The following SLC8A1 variants were observed in gnomAD, a reference collection of about 807,000 sequenced individuals.
SLC8A1 encodes the protein solute carrier family 8 member A1.
A neutral mutation model predicts 68.3 loss-of-function variants in SLC8A1; 18 were observed. That is an observed-to-expected ratio of 0.26 (90% CI 0.18 to 0.39). The LOEUF is 0.39. SLC8A1 is among the 10% of genes least tolerant of loss of function. The pLI is 1.00. For missense variants in SLC8A1, 985 were observed against 1,156.7 expected (o/e 0.85, Z 2.15); for synonymous variants, 475 against 415.5 (o/e 1.14, Z -1.74).
chr2:40,447,731 G>A (rs1362531691), intron 1 of SLC8A1, among the ~76,000 whole-genome samples: 1 of 152,162 alleles, frequency 6.6e-6, no homozygotes, highest in Admixed American at 6.5e-5. Context: ...AATTGTGAAA[G>A]TTTCAGATAC....
chr2:40,227,905 C>T (rs1425986572), intron 2 of SLC8A1, among the ~76,000 whole-genome samples: 1 of 152,070 alleles, frequency 6.6e-6, no homozygotes, highest in African/African-American at 2.4e-5. Context: ...TAATGAGCTA[C>T]TCCCTGTCTT....
intron 2 of SLC8A1, among the ~76,000 whole-genome samples, chr2:40,272,038 T>C (rs1231306706): frequency 1.3e-5 from 2 of 151,842 alleles, no homozygotes; most frequent in Non-Finnish European, 2.9e-5. Flanking sequence ...GGCTATTTTT[T>C]TGGTATTATT....
chr2:40,335,205 CTTTCT>C (rs1394207002), intron 2 of SLC8A1, among the ~76,000 whole-genome samples: 2 of 152,178 alleles, frequency 1.3e-5, no homozygotes, highest in African/African-American at 4.8e-5. Flanking sequence ...CTACAACTGG[CTTTCT>C]TTTCTATCAT....
intron 2 of SLC8A1, among the ~76,000 whole-genome samples, chr2:40,408,478 G>C (rs144430409): frequency 5.5e-4 from 84 of 152,228 alleles, no homozygotes; most frequent in African/African-American, 2.0e-3. Context: ...TAAAACCACA[G>C]GAAATTTTGG....
chr2:40,318,560 C>T (rs1384221272), intron 2 of SLC8A1, among the ~76,000 whole-genome samples: 1 of 152,024 alleles, frequency 6.6e-6, no homozygotes, highest in Non-Finnish European at 1.5e-5. Context: ...CCAGAATCAC[C>T]TGACTTCAAA....
chr2:40,287,582 A>ACG (rs1553475924), intron 2 of SLC8A1, among the ~76,000 whole-genome samples: 1 of 127,480 alleles, frequency 7.8e-6, no homozygotes, highest in Admixed American at 8.0e-5. Flanking sequence ...CAGAGGAATG[A>ACG]TGTGTGTGTG....
intron 2 of SLC8A1, among the ~76,000 whole-genome samples, chr2:40,320,738 T>G (rs1346945454): frequency 6.6e-6 from 1 of 152,166 alleles, no homozygotes; most frequent in Admixed American, 6.5e-5. Context: ...TTTCCTCCAT[T>G]TTCAATATTT....
intron 2 of SLC8A1, among the ~76,000 whole-genome samples, chr2:40,242,905 A>G (rs1188451033): frequency 2.0e-5 from 3 of 152,216 alleles, no homozygotes; most frequent in Non-Finnish European, 4.4e-5. Flanking sequence ...CCATTTTTAT[A>G]AAAGCAAAGT....
intron 2 of SLC8A1, among the ~76,000 whole-genome samples, chr2:40,219,754 AGAATC>A (rs1276485489): frequency 6.6e-6 from 1 of 152,224 alleles, no homozygotes; most frequent in African/African-American, 2.4e-5. Flanking sequence ...GAAATAGAAA[AGAATC>A]AAATCAGTAT....
intron 2 of SLC8A1, among the ~76,000 whole-genome samples, chr2:40,402,151 C>G (rs1464947173): frequency 2.0e-5 from 3 of 152,168 alleles, no homozygotes; most frequent in African/African-American, 7.2e-5. Flanking sequence ...CCCACCAAAA[C>G]CAAGATGGTG....
At chr2:40,234,603 C>A (rs1021188216) in intron 2 of SLC8A1, among the ~76,000 whole-genome samples, 126 of 152,274 alleles carry the variant, frequency 8.3e-4, no homozygotes, top group African/African-American at 2.9e-3. Context: ...CCTTCTCCTG[C>A]CTAATTGCCC....
intron 2 of SLC8A1, among the ~76,000 whole-genome samples, chr2:40,378,440 G>A (rs1249853126): frequency 1.3e-5 from 2 of 152,150 alleles, no homozygotes; most frequent in African/African-American, 4.8e-5. Flanking sequence ...CCAGATGGCT[G>A]AAGTAGAGTA....
chr2:40,296,885 C>G (rs561855891), intron 2 of SLC8A1, among the ~76,000 whole-genome samples: 15 of 152,088 alleles, frequency 9.9e-5, no homozygotes, highest in Non-Finnish European at 5.9e-5. Flanking sequence ...TGCACCTAGC[C>G]AAGGACTGTT....
At chr2:40,306,319 A>G (rs1423218848) in intron 2 of SLC8A1, among the ~76,000 whole-genome samples, 1 of 152,186 alleles carries the variant, frequency 6.6e-6, no homozygotes, top group Non-Finnish European at 1.5e-5. Flanking sequence ...TGGCAAGTTG[A>G]AGATTTTTTG....
exon 2 of SLC8A1, chr2:40,428,891 C>T (rs780624491): frequency 1.2e-6 from 2 of 1,613,810 alleles, no homozygotes; most frequent in Non-Finnish European, 1.7e-6. Flanking sequence ...TTAAACACCA[C>T]AGTTCCTTCA....
At chr2:40,179,722 C>G (rs926560714) in intron 2 of SLC8A1, among the ~76,000 whole-genome samples, 3 of 152,044 alleles carry the variant, frequency 2.0e-5, no homozygotes, top group Non-Finnish European at 4.4e-5. Flanking sequence ...GGCTTATGAT[C>G]TTGTTTTTAT....
chr2:40,197,580 A>C (rs1481483703), intron 2 of SLC8A1, among the ~76,000 whole-genome samples: 1 of 151,874 alleles, frequency 6.6e-6, no homozygotes, highest in Non-Finnish European at 1.5e-5. Flanking sequence ...TCTCTTTCAT[A>C]CCCACTTCTG....
At position 40,405,055 on chromosome 2, in the gene SLC8A1, C is replaced by T. The variant is rs373403524; in HGVS notation, c.1808+23418G>A. ...GGTCCATGCTACTCCCCCTCCCCAG[C>T]CCCATAGGATGTAATTCATTTCAAC... On this transcript the variant is annotated intron_variant, in intron 2 of 7. Transcript: ENST00000406785. Among the ~76,000 whole-genome samples the T allele has an allele frequency of 1.1e-4, 16 of 152,260 alleles. No individual in the cohort carries two copies. The East Asian group carries it at 2.3e-3, about 22-fold the overall frequency.
intron 2 of SLC8A1, among the ~76,000 whole-genome samples, chr2:40,270,450 G>A (rs1342562879): frequency 6.6e-6 from 1 of 152,228 alleles, no homozygotes; most frequent in Non-Finnish European, 1.5e-5. Context: ...ACAATCTAGA[G>A]GAGAATCTGT....
Sources: gnomAD v4.1 joint callset for allele counts (sites outside exome capture counted in the v4.1 genomes callset) on GRCh38, gnomAD v4.1.1 for gene constraint, MANE v1.5 for transcripts, NCBI Gene and HGNC (gene_info 2026-07-23, HGNC 2026-07-21) for gene names.